WWC1: variants seen among roughly 807,000 people sequenced by gnomAD.
WWC1 encodes the protein protein KIBRA.
A neutral mutation model predicts 138.4 loss-of-function variants in WWC1; 55 were observed. The observed-to-expected ratio is 0.40, with a 90% CI of 0.32 to 0.50. The LOEUF is 0.50. Ranked by LOEUF, WWC1 falls within the 20% of genes least tolerant of loss-of-function variation. The probability of loss-of-function intolerance (pLI) is 0.72; values close to 1 mark genes in which losing one functional copy is unlikely to be tolerated. For missense variants in WWC1, 1,226 were observed against 1,420.4 expected (o/e 0.86, Z 2.20); for synonymous variants, 524 against 564.9 (o/e 0.93, Z 1.03).
chr5:168,376,901 C>G (rs1777218458), intron 2 of WWC1, among the ~76,000 whole-genome samples: 1 of 152,152 alleles, frequency 6.6e-6, no homozygotes, highest in Non-Finnish European at 1.5e-5. Flanking sequence ...AAACTACCAG[C>G]ATCATTTTTC....
chr5:168,433,799 A>G (rs1782127526), intron 15 of WWC1, among the ~76,000 whole-genome samples: 1 of 152,190 alleles, frequency 6.6e-6, no homozygotes, highest in African/African-American at 2.4e-5. Flanking sequence ...CCACCTCCCA[A>G]AGTTCTGGGA....
intron 1 of WWC1, among the ~76,000 whole-genome samples, chr5:168,315,321 G>C (rs73381450): frequency 0.019 from 2,839 of 152,068 alleles, 92 homozygotes; most frequent in African/African-American, 0.064. Flanking sequence ...TCCCAGTGGG[G>C]CTTCTGGGAA....
chr5:168,419,393 A>G (rs1050142064), intron 9 of WWC1, among the ~76,000 whole-genome samples: 1 of 152,158 alleles, frequency 6.6e-6, no homozygotes, highest in African/African-American at 2.4e-5. Flanking sequence ...CCATTCAGCA[A>G]ATATTGAGCA....
At chr5:168,391,777 A>ATATG (rs1341126015) in intron 3 of WWC1, among the ~76,000 whole-genome samples, 1 of 142,568 alleles carries the variant, frequency 7.0e-6, no homozygotes, top group African/African-American at 2.5e-5. Flanking sequence ...ATATATATAT[A>ATATG]TATATATATA....
chr5:168,444,408 G>A, intron 16 of WWC1, 86 bp from the exon 17 acceptor site: 1 of 1,334,008 alleles, frequency 7.5e-7, no homozygotes, highest in South Asian at 1.4e-5. Context: ...CACTGGGAGG[G>A]TCACAGCTCT....
intron 1 of WWC1, among the ~76,000 whole-genome samples, chr5:168,324,537 AAATTT>A (rs1772378173): frequency 6.6e-6 from 1 of 152,234 alleles, no homozygotes; most frequent in African/African-American, 2.4e-5. Context: ...AAAAAACTAA[AAATTT>A]CTTCATTTCT....
intron 2 of WWC1, among the ~76,000 whole-genome samples, chr5:168,377,125 G>A (rs1777239182): frequency 1.3e-5 from 2 of 152,076 alleles, no homozygotes; most frequent in Non-Finnish European, 2.9e-5. Flanking sequence ...GAATAAAGCC[G>A]CACACCTACA....
rs1451912906 is a variant in WWC1 at position 168,459,573 on chromosome 5, G to A, written c.2824-1077G>A. Among the ~76,000 whole-genome samples, 6 of 152,156 alleles carry A rather than the reference G, an allele frequency of 3.9e-5. No homozygotes were observed. The East Asian group carries it at 1.2e-3, about 29-fold the overall frequency. On this transcript the variant is annotated intron_variant, in intron 19 of 22. Coordinates refer to ENST00000265293, the MANE Select transcript of WWC1 (RefSeq NM_015238.3). The stretch of plus-strand genomic sequence containing the variant: ...AATGAAACTGTCACTGAAGCACCTG[G>A]CACGTAGCAGGTGCTCTATCCATGT...
chr5:168,370,404 G>A (rs1364326995), intron 1 of WWC1, among the ~76,000 whole-genome samples: 3 of 152,170 alleles, frequency 2.0e-5, no homozygotes, highest in Non-Finnish European at 4.4e-5. Context: ...AGAAATCCTA[G>A]ACCCCAGCCC....
chr5:168,397,365 A>G (rs1778980223), intron 3 of WWC1, among the ~76,000 whole-genome samples: 1 of 151,656 alleles, frequency 6.6e-6, no homozygotes, highest in Admixed American at 6.6e-5. Context: ...CTGGTCTTAA[A>G]CTCCTGATTT....
intron 19 of WWC1, 23 bp from the exon 20 acceptor site, chr5:168,460,627 A>G: frequency 6.2e-7 from 1 of 1,612,620 alleles, no homozygotes; most frequent in South Asian, 1.1e-5. Flanking sequence ...CATGTTTAAG[A>G]TTCCATGACT....
intron 1 of WWC1, among the ~76,000 whole-genome samples, chr5:168,344,806 T>C (rs1475525914): frequency 6.6e-6 from 1 of 152,152 alleles, no homozygotes; most frequent in Non-Finnish European, 1.5e-5. Context: ...ATAGTAAATA[T>C]TGGGGGGAAA....
At chr5:168,376,993 A>G (rs1777226078) in intron 2 of WWC1, among the ~76,000 whole-genome samples, 1 of 152,348 alleles carries the variant, frequency 6.6e-6, no homozygotes, top group Middle Eastern at 3.4e-3. Context: ...AGCAAAAAGA[A>G]CAAAGCCAGA....
intron 3 of WWC1, among the ~76,000 whole-genome samples, chr5:168,389,232 A>T (rs906228935): frequency 4.6e-5 from 7 of 151,964 alleles, no homozygotes; most frequent in Non-Finnish European, 1.0e-4. Context: ...GTGGATCACG[A>T]GGTCAGGAGA....
chr5:168,422,214 T>G, intron 10 of WWC1, 117 bp downstream of exon 10: 3 of 997,940 alleles, frequency 3.0e-6, no homozygotes, highest in South Asian at 2.8e-5. Flanking sequence ...GAGTGGATGT[T>G]TAGAAGCATA....
intron 3 of WWC1, among the ~76,000 whole-genome samples, chr5:168,390,940 A>G (rs1778436607): frequency 6.6e-6 from 1 of 152,258 alleles, no homozygotes; most frequent in Non-Finnish European, 1.5e-5. Flanking sequence ...TGTTGTTCCC[A>G]TTCTACAGAC....
intron 14 of WWC1, 61 bp downstream of exon 14, chr5:168,430,284 G>A (rs990478764): frequency 6.9e-7 from 1 of 1,452,188 alleles, no homozygotes; most frequent in Admixed American, 1.9e-5. Flanking sequence ...ACCCCTGGGG[G>A]TCACTTTTCT....
intron 1 of WWC1, among the ~76,000 whole-genome samples, chr5:168,339,091 A>G (rs1020764873): frequency 2.6e-5 from 4 of 152,172 alleles, no homozygotes; most frequent in African/African-American, 9.7e-5. Flanking sequence ...AAATATGTAC[A>G]ATTATGTGCT....
chr5:168,394,087 T>C (rs1325098064), intron 3 of WWC1, among the ~76,000 whole-genome samples: 1 of 151,576 alleles, frequency 6.6e-6, no homozygotes, highest in East Asian at 1.9e-4. Flanking sequence ...ATGGGAGAGG[T>C]TCAAGTGCAT....
Sources: gnomAD v4.1 joint callset for allele counts (sites outside exome capture counted in the v4.1 genomes callset) on GRCh38, gnomAD v4.1.1 for gene constraint, MANE v1.5 for transcripts, NCBI Gene and HGNC (gene_info 2026-07-23, HGNC 2026-07-21) for gene names.